The following ROR1 variants were observed in gnomAD, a reference collection of about 807,000 sequenced individuals.
ROR1 encodes ROR family WNT receptor 1.
In ROR1, 19 loss-of-function variants were observed where a neutral mutation model predicts 78.8. The ratio of observed to expected loss-of-function variants is 0.24; its 90% CI spans 0.17 to 0.35. The LOEUF (loss-of-function observed/expected upper bound fraction) is 0.35, where lower values mean the gene tolerates loss of function less well. ROR1 is among the 10% of genes least tolerant of loss of function. ROR1 has a pLI of 1.00. For missense variants in ROR1, 917 were observed against 1,177.8 expected (o/e 0.78, Z 3.24); for synonymous variants, 386 against 433.6 (o/e 0.89, Z 1.36).
At chr1:64,150,583 TC>T (rs1276541143) in intron 7 of ROR1, among the ~76,000 whole-genome samples, 8 of 152,242 alleles carry the variant, frequency 5.3e-5, no homozygotes, top group Admixed American at 6.5e-5. Flanking sequence ...AATTTGTCTT[TC>T]AGCCATTTCT....
intron 4 of ROR1, among the ~76,000 whole-genome samples, chr1:64,053,453 G>A (rs1027205951): frequency 7.9e-5 from 12 of 152,114 alleles, no homozygotes; most frequent in African/African-American, 2.2e-4. Context: ...TGATATTTTC[G>A]TTTGGTTTCC....
intron 1 of ROR1, among the ~76,000 whole-genome samples, chr1:63,891,580 G>T (rs960529156): frequency 6.6e-6 from 1 of 152,188 alleles, no homozygotes; most frequent in Non-Finnish European, 1.5e-5. Context: ...GGGTGTGCCT[G>T]TGAAGATTTC....
intron 1 of ROR1, among the ~76,000 whole-genome samples, chr1:63,940,498 C>CAGATAGATAGAT (rs71584420): frequency 0.077 from 5,754 of 75,160 alleles, 127 homozygotes; most frequent in Middle Eastern, 0.089. Context: ...GATAGACAGA[C>CAGATAGATAGAT]AGATAGATAG....
intron 1 of ROR1, among the ~76,000 whole-genome samples, chr1:63,950,394 T>C (rs1263842409): frequency 6.6e-6 from 1 of 152,226 alleles, no homozygotes; most frequent in East Asian, 1.9e-4. Context: ...GATGTTGCCA[T>C]GGCATTTGTA....
rs553512452 is a variant in ROR1 at position 63,857,363 on chromosome 1, A to C, written c.91+82855A>C. On this transcript the variant is annotated intron_variant, in intron 1 of 8. Coordinates refer to ENST00000371079, the MANE Select transcript of ROR1 (RefSeq NM_005012.4). ...ACAACATGTGGAGGTAAAGGGACCA[A>C]GAATAGAATAGCCATATTCTATAAA... Among the ~76,000 whole-genome samples, 8 of 152,336 alleles carry C rather than the reference A, an allele frequency of 5.3e-5. No homozygotes were observed. In the East Asian group the frequency reaches 1.4e-3, roughly 26 times the overall value.
intron 1 of ROR1, among the ~76,000 whole-genome samples, chr1:63,975,188 G>T (rs952330647): frequency 2.0e-5 from 3 of 152,162 alleles, no homozygotes; most frequent in African/African-American, 7.2e-5. Flanking sequence ...AAACCAAATG[G>T]CTGGCAGAAG....
chr1:63,810,755 T>G (rs1195816809), intron 1 of ROR1, among the ~76,000 whole-genome samples: 4 of 152,240 alleles, frequency 2.6e-5, no homozygotes, highest in African/African-American at 7.2e-5. Context: ...CTCATTTAGC[T>G]GGAACACGGG....
At chr1:64,055,226 G>A (rs1646864876) in intron 4 of ROR1, among the ~76,000 whole-genome samples, 1 of 152,232 alleles carries the variant, frequency 6.6e-6, no homozygotes. Context: ...TAATGTGTGA[G>A]AGCTTTCAGA....
chr1:63,994,166 C>G (rs1005987716), intron 1 of ROR1, among the ~76,000 whole-genome samples: 1 of 152,152 alleles, frequency 6.6e-6, no homozygotes, highest in Non-Finnish European at 1.5e-5. Context: ...ATTGTGCACT[C>G]ATATCCTTTG....
At position 64,178,273 on chromosome 1, in the gene ROR1, C is replaced by T. The variant is rs1557686146; in HGVS notation, c.2232C>T (p.Val744=). ...GACCAAGATTTAAAGATATTCACGT[C>T]CGGCTTCGGTCCTGGGAGGGACTCT... ...SRRPRFKDIH[V]RLRSWEGLSS... is the part of the protein sequence containing the mutation. Residue 744 remains valine, a synonymous_variant, in exon 9 of 9, where the codon GTC becomes GTT. Coordinates refer to ENST00000371079, the MANE Select transcript of ROR1 (RefSeq NM_005012.4). The surrounding 1 kb of genome is among the most constrained non-coding windows in gnomAD (Gnocchi z 4.3). The T allele has an allele frequency of 1.2e-6, 2 of 1,613,980 alleles. No homozygotes were observed. The highest frequency in any genetic ancestry group is 1.3e-5 in the African/African-American group (1 of 74,900).
At chr1:64,099,861 C>G (rs1393901351) in intron 4 of ROR1, among the ~76,000 whole-genome samples, 1 of 151,998 alleles carries the variant, frequency 6.6e-6, no homozygotes, top group East Asian at 2.0e-4. Context: ...CCAAGACCAG[C>G]TGGCCAATAT....
Position 64,032,071 on chromosome 1 carries a change from G to A in ROR1, c.164-17620G>A, listed in dbSNP as rs187423554. ...CATTATACAAAATATGGCCGGGCGC[G>A]GTGGCTCATGCCTGTAATCCCAGCA... is the stretch of plus-strand genomic sequence containing the variant. On this transcript the variant is annotated intron_variant, in intron 2 of 8. Coordinates refer to ENST00000371079, the MANE Select transcript of ROR1 (RefSeq NM_005012.4). Among the ~76,000 whole-genome samples, 282 of 152,016 alleles carry A rather than the reference G, an allele frequency of 1.9e-3. 6 individuals carry two copies. Among genetic ancestry groups the A allele is most frequent in the South Asian group, 0.013 (63 of 4,808 alleles).
intron 7 of ROR1, among the ~76,000 whole-genome samples, chr1:64,143,606 A>C (rs1417358680): frequency 6.6e-6 from 1 of 152,172 alleles, no homozygotes; most frequent in East Asian, 1.9e-4. Flanking sequence ...TAACCAGATG[A>C]TTATTCAAGC....
chr1:63,886,570 T>G (rs1389556557), intron 1 of ROR1, among the ~76,000 whole-genome samples: 3 of 152,134 alleles, frequency 2.0e-5, no homozygotes, highest in Admixed American at 6.5e-5. Flanking sequence ...ACTTAGCTGA[T>G]CACCCAATCT....
At chr1:64,060,499 C>G (rs1646908853) in intron 4 of ROR1, among the ~76,000 whole-genome samples, 1 of 152,150 alleles carries the variant, frequency 6.6e-6, no homozygotes, top group Non-Finnish European at 1.5e-5. Context: ...TTATCCATTT[C>G]CAAGTGTTAG....
chr1:64,166,856 C>T (rs1337384685), intron 8 of ROR1, among the ~76,000 whole-genome samples: 1 of 152,190 alleles, frequency 6.6e-6, no homozygotes, highest in Non-Finnish European at 1.5e-5. Context: ...CTGCCCGGTA[C>T]ATAACCTCAG....
chr1:64,169,111 A>G (rs1181308291), intron 8 of ROR1, among the ~76,000 whole-genome samples: 1 of 152,216 alleles, frequency 6.6e-6, no homozygotes, highest in Non-Finnish European at 1.5e-5. Context: ...GGGAATACCA[A>G]TCTCAGAGAA....
At chr1:64,148,176 C>T (rs577592694) in intron 7 of ROR1, among the ~76,000 whole-genome samples, 80 of 152,228 alleles carry the variant, frequency 5.3e-4, no homozygotes, top group South Asian at 2.7e-3. Flanking sequence ...GTTCTATCCC[C>T]CTAGGAGTAG....
intron 4 of ROR1, among the ~76,000 whole-genome samples, chr1:64,102,619 C>T (rs1275434306): frequency 6.6e-6 from 1 of 152,170 alleles, no homozygotes; most frequent in Non-Finnish European, 1.5e-5. Context: ...GGAATATGCA[C>T]AAAGGTGGGC....
Sources: gnomAD v4.1 joint callset for allele counts (sites outside exome capture counted in the v4.1 genomes callset) on GRCh38, gnomAD v4.1.1 for gene constraint, Gnocchi (gnomAD v3.1) non-coding constraint, MANE v1.5 for transcripts, NCBI Gene and HGNC (gene_info 2026-07-23, HGNC 2026-07-21) for gene names.